The following PHIP variants were observed in gnomAD, a reference collection of about 807,000 sequenced individuals.
The protein encoded by PHIP is PHIP subunit of CUL4-Ring ligase complex, also known as PH-interacting protein.
Under a neutral mutation model 236.8 loss-of-function variants are expected in PHIP, and 54 were observed. The observed-to-expected ratio is 0.23, with a 90% CI of 0.18 to 0.29. The LOEUF is 0.29. Ranked by LOEUF, PHIP falls within the 10% of genes least tolerant of loss-of-function variation. The pLI, the probability that PHIP is intolerant of heterozygous loss-of-function variation, is 1.00. For missense variants in PHIP, 1,370 were observed against 2,190.8 expected (o/e 0.63, Z 7.48); for synonymous variants, 756 against 718.9 (o/e 1.05, Z -0.83).
At chr6:78,988,869 T>C (rs1769035421) in intron 20 of PHIP, among the ~76,000 whole-genome samples, 1 of 152,092 alleles carries the variant, frequency 6.6e-6, no homozygotes, top group Admixed American at 6.6e-5. Flanking sequence ...ATGAGGCATA[T>C]GTAATAGGCA....
At chr6:79,041,826 G>A (rs371054397) in intron 7 of PHIP, among the ~76,000 whole-genome samples, 34 of 151,966 alleles carry the variant, frequency 2.2e-4, no homozygotes, top group Non-Finnish European at 2.8e-4. Flanking sequence ...TAGAGCCAAG[G>A]GAAAAGAAAA....
At chr6:79,020,054 T>C (rs1333781350) in intron 9 of PHIP, among the ~76,000 whole-genome samples, 2 of 152,134 alleles carry the variant, frequency 1.3e-5, no homozygotes, top group Non-Finnish European at 2.9e-5. Context: ...TTTCACAATA[T>C]ATAACAAATT....
intron 24 of PHIP, among the ~76,000 whole-genome samples, chr6:78,973,192 T>G (rs1451798258): frequency 6.6e-6 from 1 of 152,058 alleles, no homozygotes; most frequent in Non-Finnish European, 1.5e-5. Context: ...GCAGAAACTC[T>G]ACAAGCCAGA....
chr6:78,970,721 T>C, intron 25 of PHIP, 60 bp downstream of exon 25: 1 of 1,097,948 alleles, frequency 9.1e-7, no homozygotes, highest in Non-Finnish European at 1.3e-6. Flanking sequence ...TTTGATACAA[T>C]TTTCTCCAAA....
In PHIP at chr6:78,935,815, T is replaced by A; in HGVS notation, c.*4878A>T. On this transcript the variant is annotated 3_prime_UTR_variant, in exon 40 of 40. Coordinates refer to ENST00000275034, the MANE Select transcript of PHIP (RefSeq NM_017934.7). ...GAGATTATGTACTAAGTGCTTTATG[T>A]GATGCCAAAAAACTTTAAAAAGCAA... 1 of 896,522 alleles carries A rather than the reference T, an allele frequency of 1.1e-6. No individual in the cohort carries two copies. The highest frequency in any genetic ancestry group is 5.7e-4 in the Middle Eastern group (1 of 1,744). 55.5% of individuals were successfully genotyped at this position (896,522 alleles called of 1,614,324 possible).
At position 78,937,261 on chromosome 6, in the gene PHIP, T is replaced by C. The variant is rs1029987536; in HGVS notation, c.*3432A>G. ...GCTGACATTTGAGAGAGATATACAG[T>C]AGGTATATATGTATAAAATGGAATG... On this transcript the variant is annotated 3_prime_UTR_variant, in exon 40 of 40. Coordinates refer to ENST00000275034, the MANE Select transcript of PHIP (RefSeq NM_017934.7). The C allele has an allele frequency of 6.6e-6, 1 of 151,716 alleles. No homozygotes were observed. Among genetic ancestry groups the C allele is most frequent in the Non-Finnish European group, 1.5e-5 (1 of 67,652 alleles). The allele number at this position is 151,716 out of a possible 1,614,324, so 9.4% of individuals were successfully genotyped here.
intron 6 of PHIP, among the ~76,000 whole-genome samples, chr6:79,057,429 G>C (rs564078711): frequency 9.2e-5 from 14 of 152,086 alleles, no homozygotes; most frequent in Admixed American, 7.9e-4. Context: ...ATAACATTTG[G>C]GGAAACTGCA....
intron 6 of PHIP, among the ~76,000 whole-genome samples, chr6:79,059,729 A>G (rs1411190450): frequency 1.3e-5 from 2 of 151,344 alleles, no homozygotes; most frequent in African/African-American, 4.9e-5. Flanking sequence ...GAAGAGTAAC[A>G]TTCCTGGCTA....
rs777029344 is a variant in PHIP, at chr6:78,963,171, C to T, written c.3461G>A (p.Gly1154Glu). 7 of 1,611,634 alleles carry T rather than the reference C, an allele frequency of 4.3e-6. No individual in the cohort carries two copies. The highest frequency in any genetic ancestry group is 5.9e-6 in the Non-Finnish European group (7 of 1,178,818). The change falls in exon 30 of 40, where the codon GGA becomes GAA. Residue 1154 changes from glycine (G) to glutamate (E), a missense_variant. This residue lies in a region of PHIP where 238 missense variants were observed against 398.5 expected (regional missense o/e 0.60). Transcript: ENST00000275034. ...ATCCCTGGGATTGGTACCCCATTCT[C>T]CATCAAGAGGTTTATAGATTAGTGA... ...CRSLIYKPLD[G>E]EWGTNPRDEE... is the part of the protein sequence containing the mutation.
intron 20 of PHIP, 151 bp from the exon 21 acceptor site, chr6:78,988,500 AG>A (rs1297631057): frequency 3.7e-6 from 2 of 547,636 alleles, no homozygotes; most frequent in African/African-American, 3.9e-5. Context: ...GCTTGAGCCT[AG>A]GAGTTCAAGG....
intron 6 of PHIP, among the ~76,000 whole-genome samples, chr6:79,058,387 T>G (rs1408597030): frequency 6.6e-6 from 1 of 152,140 alleles, no homozygotes; most frequent in African/African-American, 2.4e-5. Context: ...TATTTACTAA[T>G]CTGACCATCA....
rs1774299447 is a variant in PHIP, at chr6:79,078,243, CAG to C, written c.-177_-176del. 6.7e-6 allele frequency: 4 copies of C among 597,728 alleles called. No individual in the cohort carries two copies. Among genetic ancestry groups the C allele is most frequent in the African/African-American group, 2.0e-5 (1 of 51,168 alleles). The allele number at this position is 597,728 out of a possible 1,614,324, so 37.0% of individuals were successfully genotyped here. ...AGGAGGAGGAGGAAACAACAACTCT[CAG>C]GCAGCGACTACGGCCGTGGCCGCCT... On this transcript the variant is annotated 5_prime_UTR_variant, in exon 1 of 40. Coordinates refer to ENST00000275034, the MANE Select transcript of PHIP (RefSeq NM_017934.7).
intron 31 of PHIP, among the ~76,000 whole-genome samples, chr6:78,961,254 T>C (rs1385146589): frequency 6.6e-6 from 1 of 151,962 alleles, no homozygotes; most frequent in African/African-American, 2.4e-5. Context: ...ATAAGCTGAA[T>C]ACAGGCAAAA....
intron 30 of PHIP, 87 bp downstream of exon 30, chr6:78,963,010 A>C (rs1275141900): frequency 1.5e-6 from 2 of 1,315,168 alleles, no homozygotes; most frequent in Non-Finnish European, 2.1e-6. Flanking sequence ...ATATTGTGAA[A>C]AAAAATTTTT....
intron 16 of PHIP, 55 bp from the exon 17 acceptor site, chr6:79,002,179 A>G (rs903215418): frequency 2.4e-6 from 3 of 1,236,162 alleles, no homozygotes; most frequent in Non-Finnish European, 2.3e-6. Context: ...ATCATTGTAG[A>G]AAAAAAGTCT....
chr6:79,024,377 C>T (rs1771281607), intron 9 of PHIP, among the ~76,000 whole-genome samples: 1 of 152,094 alleles, frequency 6.6e-6, no homozygotes, highest in African/African-American at 2.4e-5. Flanking sequence ...GACTTTCCAC[C>T]CCGAGTGGCA....
At chr6:79,059,657 G>T (rs1023824227) in intron 6 of PHIP, among the ~76,000 whole-genome samples, 1 of 125,716 alleles carries the variant, frequency 8.0e-6, no homozygotes, top group African/African-American at 3.1e-5. Context: ...ATAAACTTAC[G>T]ATCTGTATAA....
intron 19 of PHIP, among the ~76,000 whole-genome samples, chr6:78,991,263 T>A (rs9359359): frequency 6.6e-6 from 1 of 151,742 alleles, no homozygotes; most frequent in Non-Finnish European, 1.5e-5. Flanking sequence ...ATTCTGGGAA[T>A]GTGGTGATTC....
intron 4 of PHIP, among the ~76,000 whole-genome samples, chr6:79,070,938 A>G (rs539448077): frequency 1.9e-4 from 29 of 152,338 alleles, no homozygotes; most frequent in African/African-American, 6.5e-4. Flanking sequence ...CCTGCTGTAC[A>G]TGAATTCTTC....
Sources: gnomAD v4.1 joint callset for allele counts (sites outside exome capture counted in the v4.1 genomes callset) on GRCh38, gnomAD v4.1.1 for gene constraint, gnomAD v4.1.1 regional missense constraint, MANE v1.5 for transcripts, NCBI Gene and HGNC (gene_info 2026-07-23, HGNC 2026-07-21) for gene names.